Variants in TSPOAP1 observed in about 807,000 individuals in gnomAD.
The protein encoded by TSPOAP1 is TSPO associated protein 1, also known as peripheral-type benzodiazepine receptor-associated protein 1.
TSPOAP1 carries 87 observed loss-of-function variants against 197.0 expected under a neutral mutation model. The observed-to-expected ratio is 0.44, with a 90% CI of 0.37 to 0.53. TSPOAP1 has a LOEUF of 0.53. Among genes scored for constraint, TSPOAP1 ranks in the 20% least tolerant of loss-of-function variants. The pLI is 0.00. For missense variants in TSPOAP1, 2,174 were observed against 2,411.3 expected (o/e 0.90, Z 2.06); for synonymous variants, 913 against 998.9 (o/e 0.91, Z 1.62).
chr17:58,318,575 A>C (rs1438315490), intron 13 of TSPOAP1, 123 bp from the exon 14 acceptor site: 1 of 963,052 alleles, frequency 1.0e-6, no homozygotes, highest in Non-Finnish European at 1.5e-6. Flanking sequence ...CAAAAAGGGA[A>C]ATATTTAGAG....
chr17:58,319,776 G>A (rs2285993), intron 12 of TSPOAP1, among the ~76,000 whole-genome samples: 2,131 of 152,352 alleles, frequency 0.014, 84 homozygotes, highest in East Asian at 0.082. Context: ...GCCAATGCCC[G>A]GGAAGTTTTC....
At position 58,322,505 on chromosome 17, in the gene TSPOAP1, C is replaced by T. The variant is rs922025175; in HGVS notation, c.1318-93G>A. Reference sequence around the variant, plus strand: ...AGGAAGCCTCAAACACCATTTGCTCCAGATTCCTCTATTACAAAGGAAACT... The same window carrying T: ...AGGAAGCCTCAAACACCATTTGCTCTAGATTCCTCTATTACAAAGGAAACT... On this transcript the variant is annotated intron_variant, in intron 9 of 31. Coordinates refer to ENST00000343736, the MANE Select transcript of TSPOAP1 (RefSeq NM_004758.4). This position sits in a 1 kb window ranked among gnomAD's most constrained non-coding sequence, Gnocchi z 5.0. The T allele has an allele frequency of 5.1e-6, 8 of 1,553,652 alleles. No individual in the cohort carries two copies. In the East Asian group the frequency reaches 1.8e-4, roughly 35 times the overall value.
At position 58,320,543 on chromosome 17, in the gene TSPOAP1, C is replaced by T. The variant is rs1331179709; in HGVS notation, c.1461G>A (p.Val487=). 1 of 1,507,380 alleles carries T rather than the reference C, an allele frequency of 6.6e-7. No individual in the cohort carries two copies. Among genetic ancestry groups the T allele is most frequent in the Non-Finnish European group, 8.8e-7 (1 of 1,130,254 alleles). 93.4% of individuals were successfully genotyped at this position (1,507,380 alleles called of 1,614,324 possible). A position where few individuals can be genotyped will look rare whatever the true frequency, so the allele number is the denominator to read the frequency against. Residue 487 remains valine, a synonymous_variant, in exon 11 of 32, where the codon GTG becomes GTA. Transcript: ENST00000343736. ...CCAGGCGCCCTACCTCCAGCAGCTG[C>T]ACGGCTCCTTCATGTTCCCTCTGGG... ...AEAQREHEGA[V]QLLESTLDSM... is the part of the protein sequence containing the mutation.
At chr17:58,323,068 G>A (rs780333478) in intron 7 of TSPOAP1, 29 bp from the exon 8 acceptor site, 6 of 1,588,426 alleles carry the variant, frequency 3.8e-6, no homozygotes, top group Middle Eastern at 1.7e-4. Context: ...TCTCAGGAGG[G>A]AGCCCAGCAC....
Position 58,302,732 on chromosome 17 carries a change from C to T in TSPOAP1, c.*33-285G>A, listed in dbSNP as rs184683579. 7.3e-3 allele frequency: 1,331 copies of T among 182,434 alleles called. 84 individuals carry two copies. The South Asian group carries it at 0.088, about 12-fold the overall frequency. The allele number at this position is 182,434 out of a possible 1,614,324, so 11.3% of individuals were successfully genotyped here. On this transcript the variant is annotated intron_variant, in intron 31 of 31. Coordinates refer to ENST00000343736, the MANE Select transcript of TSPOAP1 (RefSeq NM_004758.4). The stretch of plus-strand genomic sequence containing the variant: ...GGGCAGGCCCCTTCCCTTCTCCCTC[C>T]AGGGTGCAGGGCTGACAGGGCCCAA...
At chr17:58,323,918 G>A (rs572845079) in intron 5 of TSPOAP1, among the ~76,000 whole-genome samples, 15 of 152,322 alleles carry the variant, frequency 9.8e-5, no homozygotes, top group Non-Finnish European at 1.6e-4. Context: ...GAACTAGGAG[G>A]CTGCCTGGGC....
chr17:58,318,856 A>G (rs1417120773), intron 13 of TSPOAP1, among the ~76,000 whole-genome samples: 1 of 152,158 alleles, frequency 6.6e-6, no homozygotes, highest in African/African-American at 2.4e-5. Flanking sequence ...CTGACCATTC[A>G]GGTCCTTTTG....
chr17:58,326,321 C>T lies in TSPOAP1; in HGVS notation c.542G>A (p.Arg181Gln), dbSNP rs556087784. The T allele has an allele frequency of 1.0e-4, 163 of 1,614,082 alleles. No individual in the cohort carries two copies. Among genetic ancestry groups the T allele is most frequent in the Admixed American group, 2.5e-4 (15 of 60,014 alleles). The change falls in exon 3 of 32, where the codon CGA becomes CAA. Residue 181 changes from arginine to glutamine, a missense_variant. This residue lies in a region of TSPOAP1 where 1,933 missense variants were observed against 2,139.0 expected (regional missense o/e 0.90). Transcript: ENST00000343736. The surrounding 1 kb of genome is among the most constrained non-coding windows in gnomAD (Gnocchi z 4.7). ...CCTCAGGTTCGTTTCCTGCAGCTTT[C>T]GGGCCCTCTCCTCCAGGCGCTTGGC... ...VIAKRLEERA[R>Q]KLQETNLRVV... is the part of the protein sequence containing the mutation.
In TSPOAP1 at chr17:58,324,947, T is replaced by A; in HGVS notation, c.806A>T (p.Gln269Leu). The part of the protein sequence containing the change: ...RDFDRLLRES[Q>L]REVLRLQRQI... ...CCTCTGCAGCCGCAGCACCTCCCGCTGGGACTCGCGCAGCAGCCGATCGAA... is the reference window on the plus strand; with the variant it reads ...CCTCTGCAGCCGCAGCACCTCCCGCAGGGACTCGCGCAGCAGCCGATCGAA... Residue 269 changes from glutamine to leucine, a missense_variant, in exon 5 of 32, where the codon CAG becomes CTG. Physicochemically the swap from Gln to Leu is moderately radical, Grantham distance 113. Around this residue, in one of 5 missense-constraint regions of TSPOAP1, gnomAD observed 1,933 missense variants for 2,139.0 expected, o/e 0.90. Coordinates refer to ENST00000343736, the MANE Select transcript of TSPOAP1 (RefSeq NM_004758.4). The surrounding 1 kb of genome is among the most constrained non-coding windows in gnomAD (Gnocchi z 5.8). 1 of 1,540,270 alleles carries A rather than the reference T, an allele frequency of 6.5e-7. No homozygotes were observed.
At chr17:58,310,444 C>G (rs369974334) in intron 20 of TSPOAP1, 68 bp downstream of exon 20, 22 of 1,581,370 alleles carry the variant, frequency 1.4e-5, no homozygotes, top group African/African-American at 1.1e-4. Context: ...ACTGGATTTG[C>G]GCTGGCAAAA....
Position 58,310,111 on chromosome 17 carries a change from C to G in TSPOAP1, c.3747G>C (p.Val1249=). Residue 1249 remains valine (V), a synonymous_variant, in exon 21 of 32, where the codon GTG becomes GTC. Coordinates refer to ENST00000343736, the MANE Select transcript of TSPOAP1 (RefSeq NM_004758.4). The part of the protein sequence containing the change: ...ELGVHLVNSL[V]DHGRNSDLSD... ...ACAGGTCTGAGTTGCGGCCGTGGTC[C>G]ACGAGGGAGTTCACCAGATGAACCC... 1 of 1,613,396 alleles carries G rather than the reference C, an allele frequency of 6.2e-7. No homozygotes were observed.
intron 10 of TSPOAP1, 111 bp from the exon 11 acceptor site, chr17:58,320,692 C>G: frequency 1.2e-6 from 1 of 836,996 alleles, no homozygotes; most frequent in Non-Finnish European, 1.7e-6. Context: ...GAGGAAGAAG[C>G]CGGGAGAAAG....
Position 58,322,606 on chromosome 17 carries a change from C to A in TSPOAP1, c.1317+48G>T. On this transcript the variant is annotated intron_variant, in intron 9 of 31. Coordinates refer to ENST00000343736, the MANE Select transcript of TSPOAP1 (RefSeq NM_004758.4). This position sits in a 1 kb window ranked among gnomAD's most constrained non-coding sequence, Gnocchi z 5.0. ...AGAATATTCTGCTGTCCCACTTGCT[C>A]CCCATGCCAGGGCCCAGCACCCTCT... The A allele has an allele frequency of 3.8e-6, 6 of 1,599,630 alleles. No homozygotes were observed. Among genetic ancestry groups the A allele is most frequent in the Non-Finnish European group, 5.1e-6 (6 of 1,176,978 alleles).
At position 58,311,056 on chromosome 17, in the gene TSPOAP1, G is replaced by A. The variant is rs774114059; in HGVS notation, c.3239C>T (p.Pro1080Leu). Reference sequence around the variant, plus strand: ...GGAGACTCGGGCTGGCAGGCTGGCCGGAGCCAGGGCGGGAGTGATAGGAGC... The same window carrying A: ...GGAGACTCGGGCTGGCAGGCTGGCCAGAGCCAGGGCGGGAGTGATAGGAGC... ...IPAPITPALA[P>L]ASLPARVSCP... Residue 1080 changes from proline to leucine, a missense_variant, in exon 19 of 32, where the codon CCG becomes CTG. This residue lies in a region of TSPOAP1 where 1,933 missense variants were observed against 2,139.0 expected (regional missense o/e 0.90). Transcript: ENST00000343736. 43 of 1,580,442 alleles carry A rather than the reference G, an allele frequency of 2.7e-5. No individual in the cohort carries two copies. In the South Asian group the frequency reaches 3.5e-4, roughly 13 times the overall value.
Position 58,312,450 on chromosome 17 carries a change from C to A in TSPOAP1, c.2371G>T (p.Val791Leu). ...SPEGLGEPPA[V>L]PYPRRLVVLK... is the part of the protein sequence containing the mutation. ...ACCACCAGACGGCGGGGGTAAGGCA[C>A]GGCAGGAGGCTCGCCCAGGCCCTCC... Residue 791 changes from valine (V) to leucine (L), a missense_variant, in exon 17 of 32, where the codon GTG (valine) becomes TTG (leucine). Around this residue, in one of 5 missense-constraint regions of TSPOAP1, gnomAD observed 1,933 missense variants for 2,139.0 expected, o/e 0.90. Transcript: ENST00000343736. 1.2e-6 allele frequency: 2 copies of A among 1,612,418 alleles called. No homozygotes were observed. Among genetic ancestry groups the A allele is most frequent in the South Asian group, 1.1e-5 (1 of 90,922 alleles).
Position 58,326,614 on chromosome 17 carries a change from G to A in TSPOAP1, c.441+69C>T, listed in dbSNP as rs1325545459. 2.6e-6 allele frequency: 4 copies of A among 1,564,482 alleles called. No individual in the cohort carries two copies. In the African/African-American group the frequency reaches 4.1e-5, roughly 16 times the overall value. ...CCCCACTTGGAAAGATGTTCATGGG[G>A]TGAGGAGGGCACTGAGGCAGAGGGC... On this transcript the variant is annotated intron_variant, in intron 2 of 31. Transcript: ENST00000343736. The surrounding 1 kb of genome is among the most constrained non-coding windows in gnomAD (Gnocchi z 4.7).
chr17:58,308,634 G>A lies in TSPOAP1; in HGVS notation c.4638C>T (p.Pro1546=), dbSNP rs1357184626. Residue 1546 remains proline (P), a synonymous_variant, in exon 22 of 32, where the codon CCC becomes CCT. Transcript: ENST00000343736. ...PRGPPKANSG[P]KPYPRLPAWE... is the part of the protein sequence containing the mutation. ...AGGCTGGGAGGCGTGGGTAGGGCTT[G>A]GGGCCTGAATTGGCCTTCGGAGGCC... 1.2e-6 allele frequency: 2 copies of A among 1,607,996 alleles called. No individual in the cohort carries two copies. The highest frequency in any genetic ancestry group is 3.3e-5 in the Admixed American group (2 of 59,768).
At chr17:58,305,994 C>T (rs996879749) in intron 26 of TSPOAP1, 129 bp from the exon 27 acceptor site, 3 of 1,019,936 alleles carry the variant, frequency 2.9e-6, no homozygotes, top group Non-Finnish European at 4.3e-6. Context: ...GGCGCATCTC[C>T]CCAACCCTTT....
At chr17:58,305,893 C>A in intron 26 of TSPOAP1, 28 bp from the exon 27 acceptor site, 2 of 1,607,998 alleles carry the variant, frequency 1.2e-6, no homozygotes, top group Middle Eastern at 1.7e-4. Context: ...CTGTGAGCCC[C>A]CTCCCACCCT....
Sources: allele counts gnomAD v4.1 joint callset (sites outside exome capture counted in the v4.1 genomes callset), GRCh38; gene constraint gnomAD v4.1.1; regional missense constraint gnomAD v4.1.1; non-coding constraint Gnocchi (gnomAD v3.1); transcripts MANE v1.5; gene names NCBI Gene and HGNC (gene_info 2026-07-23, HGNC 2026-07-21).